The following GLB1 variants were observed in gnomAD, a reference collection of about 807,000 sequenced individuals.
GLB1 encodes beta-galactosidase.
GLB1 carries 56 observed loss-of-function variants against 74.0 expected under a neutral mutation model. The ratio of observed to expected loss-of-function variants is 0.76; its 90% CI spans 0.61 to 0.94. The LOEUF is 0.94. Ranked by LOEUF, GLB1 falls within the 40% of genes least tolerant of loss-of-function variation. The pLI, the probability that GLB1 is intolerant of heterozygous loss-of-function variation, is 0.00. For missense variants in GLB1, 787 were observed against 845.5 expected, an observed-to-expected ratio of 0.93 and a Z score of 0.86; for synonymous variants, 323 against 323.6, an observed-to-expected ratio of 1.00 and a Z score of 0.02.
chr3:33,012,539 T>C (rs1331321617), intron 15 of GLB1, among the ~76,000 whole-genome samples: 1 of 152,234 alleles, frequency 6.6e-6, no homozygotes, highest in Non-Finnish European at 1.5e-5. Context: ...TGCCCTGATA[T>C]TGAAGACTTC....
chr3:32,996,301 A>G (rs1488545109), downstream of GLB1, among the ~76,000 whole-genome samples: 2 of 152,232 alleles, frequency 1.3e-5, no homozygotes, highest in African/African-American at 4.8e-5. Context: ...GACTACTGAC[A>G]TGTGTATAGG....
intron 9 of GLB1, among the ~76,000 whole-genome samples, chr3:33,047,612 C>A (rs566009283): frequency 6.6e-6 from 1 of 152,200 alleles, no homozygotes; most frequent in African/African-American, 2.4e-5. Context: ...CTAATTTGTA[C>A]ATCAATGAGG....
Position 33,093,955 on chromosome 3 carries a change from A to G in GLB1, c.75+3056T>C, listed in dbSNP as rs1411137083. On this transcript the variant is annotated intron_variant, in intron 1 of 15. Coordinates refer to ENST00000307363, the MANE Select transcript of GLB1 (RefSeq NM_000404.4). This position sits in a 1 kb window ranked among gnomAD's most constrained non-coding sequence, Gnocchi z 6.0. ...ACCACCACCTTCCAAAGCTGAAAAC[A>G]GGTTGACTCTGCAGCTGGGGAGTGG... 5.0e-6 allele frequency: 8 copies of G among 1,614,080 alleles called. No homozygotes were observed. In the Admixed American group the frequency reaches 1.2e-4, roughly 24 times the overall value.
At position 33,058,022 on chromosome 3, in the gene GLB1, G is replaced by A. The variant is rs886880435; in HGVS notation, c.733+67C>T. The A allele has an allele frequency of 1.0e-5, 16 of 1,595,094 alleles. 1 individual carries two copies. In the African/African-American group the frequency reaches 2.0e-4, roughly 20 times the overall value. ...GCCCATGACACTTATAACAACAGCT[G>A]CCCAGAGCAACTGACTGAGTAAAAA... On this transcript the variant is annotated intron_variant, in intron 6 of 15. Transcript: ENST00000307363.
chr3:33,027,894 T>C (rs1697837474), intron 10 of GLB1, among the ~76,000 whole-genome samples: 1 of 152,164 alleles, frequency 6.6e-6, no homozygotes, highest in African/African-American at 2.4e-5. Flanking sequence ...GAGGAAGCCA[T>C]TTAAAAATTA....
intron 10 of GLB1, among the ~76,000 whole-genome samples, chr3:33,043,771 G>GAAAGATAACTCAGAAAAATACCAAGCA (rs1553609464): frequency 1.2e-5 from 1 of 82,258 alleles, no homozygotes; most frequent in East Asian, 3.0e-4. Context: ...ACAGCATTGG[G>GAAAGATAACTCAGAAAAATACCAAGCA]AAAGATACCT....
At chr3:32,989,068 G>C in the GLB1 span, among the ~76,000 whole-genome samples, 1 of 152,288 alleles carries the variant, frequency 6.6e-6, no homozygotes, top group Non-Finnish European at 1.5e-5. Context: ...AGAGTTTCTT[G>C]AGTATTTTAC....
the GLB1 span, among the ~76,000 whole-genome samples, chr3:32,974,277 T>G: frequency 6.6e-6 from 1 of 152,012 alleles, no homozygotes; most frequent in African/African-American, 2.4e-5. Context: ...AGGCAGGGAT[T>G]CTAGTGCCAG....
chr3:33,023,169 G>T (rs1329817965), intron 11 of GLB1, among the ~76,000 whole-genome samples: 2 of 152,120 alleles, frequency 1.3e-5, no homozygotes, highest in Non-Finnish European at 2.9e-5. Flanking sequence ...AGCTAGCTTG[G>T]TTTTAGCAAT....
In GLB1 at chr3:32,996,719, G is replaced by T; in HGVS notation, c.*326C>A. The T allele has an allele frequency of 2.7e-6, 1 of 366,630 alleles. No individual in the cohort carries two copies. The highest frequency in any genetic ancestry group is 5.2e-6 in the Non-Finnish European group (1 of 192,256). 22.7% of individuals were successfully genotyped at this position (366,630 alleles called of 1,614,324 possible). A position where few individuals can be genotyped will look rare whatever the true frequency, so the allele number is the denominator to read the frequency against. On this transcript the variant is annotated 3_prime_UTR_variant, in exon 16 of 16. Transcript: ENST00000307363. ...ATTCAATACCTGCACATTAAAAACA[G>T]TGACATCATCATTTGAGTACAAATT...
At chr3:33,032,917 GTCTC>G (rs1698112198) in intron 10 of GLB1, among the ~76,000 whole-genome samples, 1 of 152,184 alleles carries the variant, frequency 6.6e-6, no homozygotes, top group Admixed American at 6.5e-5. Context: ...TAAGATCCTT[GTCTC>G]TTTCTGTTCC....
chr3:33,002,061 C>A (rs763997270), intron 15 of GLB1, among the ~76,000 whole-genome samples: 3 of 151,418 alleles, frequency 2.0e-5, no homozygotes, highest in South Asian at 2.1e-4. Context: ...ATGAAGTCAG[C>A]CCCATGGGGA....
chr3:33,070,623 C>T (rs1341969760), intron 2 of GLB1, among the ~76,000 whole-genome samples: 2 of 152,206 alleles, frequency 1.3e-5, no homozygotes, highest in African/African-American at 4.8e-5. Flanking sequence ...GCAGTAGGAT[C>T]GCTTGAGTCC....
intron 15 of GLB1, among the ~76,000 whole-genome samples, chr3:33,010,369 T>G (rs914902618): frequency 6.6e-6 from 1 of 152,236 alleles, no homozygotes; most frequent in Admixed American, 6.5e-5. Context: ...CCACTAATTT[T>G]AGTTTATAAT....
At chr3:33,091,849 T>G in intron 1 of GLB1, 1 of 985,450 alleles carries the variant, frequency 1.0e-6, no homozygotes, top group Non-Finnish European at 1.2e-6. Context: ...TGAGGCCTTT[T>G]CTAACACGGG....
At chr3:33,079,430 A>G (rs1700244140) in intron 1 of GLB1, among the ~76,000 whole-genome samples, 1 of 152,218 alleles carries the variant, frequency 6.6e-6, no homozygotes, top group Non-Finnish European at 1.5e-5. Flanking sequence ...TAGCAAGAGG[A>G]GGGCATTGAT....
At chr3:33,008,739 G>A (rs936692056) in intron 15 of GLB1, among the ~76,000 whole-genome samples, 1 of 152,158 alleles carries the variant, frequency 6.6e-6, no homozygotes, top group Admixed American at 6.5e-5. Flanking sequence ...CACCAGTAGT[G>A]GATCCATTCT....
intron 10 of GLB1, chr3:33,030,953 G>A (rs1437260439): frequency 9.3e-6 from 4 of 429,864 alleles, no homozygotes; most frequent in Non-Finnish European, 1.2e-5. Context: ...TCATCCTCGA[G>A]GTCAAAGTGT....
At chr3:32,986,738 G>A in the GLB1 span, among the ~76,000 whole-genome samples, 1 of 151,924 alleles carries the variant, frequency 6.6e-6, no homozygotes, top group Non-Finnish European at 1.5e-5. Flanking sequence ...TTACAGGTGT[G>A]TGCCACCACA....
Sources: allele counts gnomAD v4.1 joint callset (sites outside exome capture counted in the v4.1 genomes callset), GRCh38; gene constraint gnomAD v4.1.1; non-coding constraint Gnocchi (gnomAD v3.1); transcripts MANE v1.5; gene names NCBI Gene and HGNC (gene_info 2026-07-23, HGNC 2026-07-21).